NELL1: variants seen among roughly 807,000 people sequenced by gnomAD.
The protein encoded by NELL1 is neural EGFL like 1.
NELL1 carries 76 observed loss-of-function variants against 107.4 expected under a neutral mutation model. That is an observed-to-expected ratio of 0.71 (90% CI 0.59 to 0.86). NELL1 has a LOEUF of 0.86. Among genes scored for constraint, NELL1 ranks in the 40% least tolerant of loss-of-function variants. NELL1 has a pLI of 0.00. For missense variants in NELL1, 1,024 were observed against 1,005.5 expected, an observed-to-expected ratio of 1.02 and a Z score of -0.25; for synonymous variants, 353 against 341.2, an observed-to-expected ratio of 1.03 and a Z score of -0.38.
At chr11:21,321,774 A>G (rs2133667333) in intron 14 of NELL1, among the ~76,000 whole-genome samples, 1 of 152,344 alleles carries the variant, frequency 6.6e-6, no homozygotes, top group South Asian at 2.1e-4. Flanking sequence ...TCTTTGAACA[A>G]ACATGCATCA....
intron 12 of NELL1, among the ~76,000 whole-genome samples, chr11:21,074,924 G>A (rs538721123): frequency 1.3e-5 from 2 of 152,222 alleles, no homozygotes; most frequent in African/African-American, 4.8e-5. Flanking sequence ...GAGAAATTCA[G>A]AGAATTCTCT....
chr11:20,911,514 G>A (rs1237219351), intron 5 of NELL1, among the ~76,000 whole-genome samples: 2 of 152,136 alleles, frequency 1.3e-5, no homozygotes, highest in Non-Finnish European at 2.9e-5. Context: ...TTTATTAAGG[G>A]CTTACCCTGT....
chr11:20,954,182 G>T (rs529519808), intron 11 of NELL1, among the ~76,000 whole-genome samples: 17 of 152,312 alleles, frequency 1.1e-4, no homozygotes, highest in African/African-American at 3.6e-4. Context: ...GATAATGTAT[G>T]TAATTTTATG....
intron 12 of NELL1, among the ~76,000 whole-genome samples, chr11:21,048,219 A>G (rs1016321582): frequency 6.6e-6 from 1 of 151,992 alleles, no homozygotes. Flanking sequence ...GTGAAAAGAG[A>G]TCTGGAGCTT....
At chr11:21,377,654 G>A (rs1475453099) in intron 15 of NELL1, among the ~76,000 whole-genome samples, 1 of 151,980 alleles carries the variant, frequency 6.6e-6, no homozygotes, top group African/African-American at 2.4e-5. Context: ...ATTTGACTGT[G>A]AATCCATCTG....
intron 14 of NELL1, among the ~76,000 whole-genome samples, chr11:21,299,304 G>C (rs976260753): frequency 1.3e-5 from 2 of 151,690 alleles, no homozygotes; most frequent in African/African-American, 4.8e-5. Flanking sequence ...CACTTGATGA[G>C]AATGCAGACA....
At chr11:20,844,368 G>A (rs757906268) in intron 3 of NELL1, among the ~76,000 whole-genome samples, 32 of 152,304 alleles carry the variant, frequency 2.1e-4, no homozygotes, top group Non-Finnish European at 4.0e-4. Flanking sequence ...TGCAGGATGA[G>A]CAGACTTTTC....
intron 13 of NELL1, among the ~76,000 whole-genome samples, chr11:21,192,053 GTTCT>G (rs1300617864): frequency 2.0e-5 from 3 of 151,738 alleles, no homozygotes; most frequent in African/African-American, 7.3e-5. Context: ...TGAGTAGTAA[GTTCT>G]TTCTTTTAAG....
chr11:20,819,765 G>T (rs1283079642), intron 3 of NELL1, among the ~76,000 whole-genome samples: 1 of 152,194 alleles, frequency 6.6e-6, no homozygotes, highest in African/African-American at 2.4e-5. Context: ...AAAGCCATGA[G>T]AATTTGTCAA....
intron 13 of NELL1, among the ~76,000 whole-genome samples, chr11:21,137,104 A>C (rs1855760460): frequency 6.6e-6 from 1 of 152,218 alleles, no homozygotes; most frequent in Admixed American, 6.5e-5. Flanking sequence ...TCCTTCCTTT[A>C]AATTCATGGT....
At chr11:21,176,023 T>C (rs1315573427) in intron 13 of NELL1, among the ~76,000 whole-genome samples, 1 of 151,798 alleles carries the variant, frequency 6.6e-6, no homozygotes, top group African/African-American at 2.4e-5. Flanking sequence ...GTCCTTCTTT[T>C]CCCCTATTAG....
chr11:20,691,730 T>C (rs1854471758), intron 2 of NELL1, among the ~76,000 whole-genome samples: 1 of 151,928 alleles, frequency 6.6e-6, no homozygotes, highest in East Asian at 1.9e-4. Flanking sequence ...ATCAAGGATA[T>C]TGGTCTAAAA....
chr11:20,945,328 T>C (rs1421477838), intron 10 of NELL1, among the ~76,000 whole-genome samples: 1 of 152,220 alleles, frequency 6.6e-6, no homozygotes, highest in Non-Finnish European at 1.5e-5. Context: ...ATTGTCTCTC[T>C]TCGAGGTAAA....
At chr11:21,172,277 A>G (rs192082973) in intron 13 of NELL1, among the ~76,000 whole-genome samples, 10 of 151,994 alleles carry the variant, frequency 6.6e-5, no homozygotes, top group African/African-American at 2.4e-4. Flanking sequence ...TCAGTAGACC[A>G]AGGAATTGCT....
intron 13 of NELL1, among the ~76,000 whole-genome samples, chr11:21,226,411 T>C (rs1857894130): frequency 6.6e-6 from 1 of 152,236 alleles, no homozygotes; most frequent in Non-Finnish European, 1.5e-5. Context: ...GTTCATCTAA[T>C]GTCTACATTC....
chr11:21,159,290 C>A (rs902008315), intron 13 of NELL1, among the ~76,000 whole-genome samples: 1 of 152,138 alleles, frequency 6.6e-6, no homozygotes, highest in South Asian at 2.1e-4. Flanking sequence ...ATACATCCTC[C>A]TCAGTTCTCC....
At chr11:21,384,471 G>A (rs748646754) in intron 15 of NELL1, among the ~76,000 whole-genome samples, 7 of 150,970 alleles carry the variant, frequency 4.6e-5, no homozygotes, top group Non-Finnish European at 1.0e-4. Context: ...TATACTTTAA[G>A]TTTTAGGGTA....
chr11:21,511,915 A>T (rs1430100192), intron 15 of NELL1, among the ~76,000 whole-genome samples: 2 of 152,210 alleles, frequency 1.3e-5, no homozygotes, highest in African/African-American at 4.8e-5. Context: ...CGGGACTAAA[A>T]TACTGTATTG....
At chr11:20,973,891 CA>C (rs1326054769) in intron 12 of NELL1, among the ~76,000 whole-genome samples, 2 of 152,162 alleles carry the variant, frequency 1.3e-5, no homozygotes, top group East Asian at 3.9e-4. Context: ...CCTGGCTCCT[CA>C]AAACTCTAAT....
Sources: gnomAD v4.1 joint callset for allele counts (sites outside exome capture counted in the v4.1 genomes callset) on GRCh38, gnomAD v4.1.1 for gene constraint, MANE v1.5 for transcripts, NCBI Gene and HGNC (gene_info 2026-07-23, HGNC 2026-07-21) for gene names.